Variants in CACNA1D observed in about 807,000 individuals in gnomAD.
CACNA1D encodes calcium voltage-gated channel subunit alpha1 D, also known as voltage-dependent L-type calcium channel subunit alpha-1D.
CACNA1D carries 55 observed loss-of-function variants against 257.1 expected under a neutral mutation model. The ratio of observed to expected loss-of-function variants is 0.21; its 90% CI spans 0.17 to 0.27. The LOEUF is 0.27. CACNA1D is among the 10% of genes least tolerant of loss of function. CACNA1D has a pLI of 1.00. For missense variants in CACNA1D, 1,876 were observed against 2,784.0 expected, an observed-to-expected ratio of 0.67 and a Z score of 7.34; for synonymous variants, 980 against 1,014.9, an observed-to-expected ratio of 0.97 and a Z score of 0.65.
At chr3:53,507,901 C>T (rs879922851) in intron 3 of CACNA1D, among the ~76,000 whole-genome samples, 9 of 152,014 alleles carry the variant, frequency 5.9e-5, no homozygotes, top group Non-Finnish European at 1.3e-4. Flanking sequence ...AAAAAAAGTG[C>T]GTATGTATGT....
At position 53,579,838 on chromosome 3, in the gene CACNA1D, G is replaced by T. The variant is rs370112357; in HGVS notation, c.484-70941G>T. On this transcript the variant is annotated intron_variant, in intron 3 of 47. Coordinates refer to ENST00000350061, the MANE Select transcript of CACNA1D (RefSeq NM_001128840.3). ...CACAGGCAAAGCACTTTTGCTGAAA[G>T]GACAGAAAGACTCAAGGTGAAGGCA... Among the ~76,000 whole-genome samples the T allele has an allele frequency of 2.0e-5, 3 of 152,320 alleles. No homozygotes were observed. The East Asian group carries it at 5.8e-4, about 29-fold the overall frequency.
chr3:53,703,473 T>C (rs1255726657), intron 9 of CACNA1D, among the ~76,000 whole-genome samples: 1 of 152,190 alleles, frequency 6.6e-6, no homozygotes, highest in Non-Finnish European at 1.5e-5. Flanking sequence ...ATTGCCATTG[T>C]CAACCACGGT....
chr3:53,620,703 T>C (rs763631256), intron 3 of CACNA1D, among the ~76,000 whole-genome samples: 2 of 152,218 alleles, frequency 1.3e-5, no homozygotes, highest in African/African-American at 2.4e-5. Flanking sequence ...GCATTTGCAA[T>C]CATAGATTTG....
rs2095119526 is a variant in CACNA1D, at chr3:53,741,660, G to A, written c.2811+1321G>A. 2.6e-5 allele frequency among the ~76,000 whole-genome samples: 4 copies of A among 152,172 alleles called. 1 individual carries two copies. Among genetic ancestry groups the A allele is most frequent in the Admixed American group, 2.6e-4 (4 of 15,278 alleles). ...ACCAGCTCTTGTTGATGAGGCCTCT[G>A]TGGGAGGGCCTGTGGATGCAGAATG... On this transcript the variant is annotated intron_variant, in intron 21 of 47. Coordinates refer to ENST00000350061, the MANE Select transcript of CACNA1D (RefSeq NM_001128840.3).
intron 3 of CACNA1D, among the ~76,000 whole-genome samples, chr3:53,545,748 C>T (rs913262794): frequency 6.6e-6 from 1 of 152,150 alleles, no homozygotes; most frequent in Non-Finnish European, 1.5e-5. Context: ...ACTTTCTTCT[C>T]CTTCTCAAAG....
At chr3:53,541,947 A>G (rs1333438750) in intron 3 of CACNA1D, among the ~76,000 whole-genome samples, 1 of 152,230 alleles carries the variant, frequency 6.6e-6, no homozygotes, top group East Asian at 1.9e-4. Flanking sequence ...CCAAATAGGG[A>G]ACTCTATAGA....
chr3:53,565,948 G>A (rs929633889), intron 3 of CACNA1D, among the ~76,000 whole-genome samples: 1 of 152,150 alleles, frequency 6.6e-6, no homozygotes, highest in African/African-American at 2.4e-5. Flanking sequence ...CACCTATTGA[G>A]GCACAAACTG....
chr3:53,720,834 G>C (rs2094875733), intron 11 of CACNA1D, among the ~76,000 whole-genome samples: 1 of 152,154 alleles, frequency 6.6e-6, no homozygotes. Flanking sequence ...AAAATAGTTT[G>C]GTAGTTCCTC....
intron 8 of CACNA1D, among the ~76,000 whole-genome samples, chr3:53,694,172 G>A (rs1202652090): frequency 6.6e-6 from 1 of 152,216 alleles, no homozygotes; most frequent in Non-Finnish European, 1.5e-5. Flanking sequence ...CCTGGGGCAT[G>A]TGAGTGTCTG....
chr3:53,597,651 G>A (rs897365186), intron 3 of CACNA1D, among the ~76,000 whole-genome samples: 3 of 152,178 alleles, frequency 2.0e-5, no homozygotes, highest in Admixed American at 1.3e-4. Flanking sequence ...GAGGGCTAGG[G>A]CTAGGCTGAT....
chr3:53,505,005 T>C (rs898488734), intron 3 of CACNA1D, among the ~76,000 whole-genome samples: 4 of 152,072 alleles, frequency 2.6e-5, no homozygotes, highest in Admixed American at 2.0e-4. Context: ...CTCTAAGCCA[T>C]CTCTGAACCA....
intron 8 of CACNA1D, among the ~76,000 whole-genome samples, chr3:53,700,613 T>G (rs1162702287): frequency 2.0e-5 from 3 of 152,206 alleles, no homozygotes; most frequent in Non-Finnish European, 4.4e-5. Flanking sequence ...GGCGAGACAC[T>G]GGAGTCCTTA....
intron 3 of CACNA1D, among the ~76,000 whole-genome samples, chr3:53,506,090 A>G (rs530265620): frequency 6.6e-6 from 1 of 152,152 alleles, no homozygotes; most frequent in Non-Finnish European, 1.5e-5. Context: ...GGCTTAGCCT[A>G]TATGGTGGAG....
At chr3:53,728,208 G>A (rs1018165704) in intron 15 of CACNA1D, among the ~76,000 whole-genome samples, 3 of 152,038 alleles carry the variant, frequency 2.0e-5, no homozygotes, top group South Asian at 2.1e-4. Flanking sequence ...GTGCAATCTC[G>A]GCTCACTGCA....
At chr3:53,609,544 A>C (rs1167180151) in intron 3 of CACNA1D, among the ~76,000 whole-genome samples, 2 of 152,154 alleles carry the variant, frequency 1.3e-5, no homozygotes, top group Non-Finnish European at 2.9e-5. Flanking sequence ...TAAGGCATCA[A>C]ATTTATTGGC....
intron 37 of CACNA1D, 127 bp from the exon 38 acceptor site, chr3:53,779,899 G>C (rs1292807610): frequency 1.3e-6 from 1 of 755,276 alleles, no homozygotes; most frequent in Non-Finnish European, 2.4e-6. Flanking sequence ...CCCCCAAATG[G>C]CTGTTGAATG....
intron 8 of CACNA1D, among the ~76,000 whole-genome samples, chr3:53,692,182 A>T (rs1344667853): frequency 1.3e-5 from 2 of 151,792 alleles, no homozygotes; most frequent in Non-Finnish European, 1.5e-5. Context: ...GTATACAAAG[A>T]TAAGACAGAC....
At chr3:53,733,434 CTTGA>C (rs144354121) in intron 19 of CACNA1D, among the ~76,000 whole-genome samples, 2,142 of 152,300 alleles carry the variant, frequency 0.014, 54 homozygotes, top group African/African-American at 0.049. Flanking sequence ...AGATCCCCCA[CTTGA>C]TTGATCAGTT....
chr3:53,731,305 G>A (rs930286202), intron 17 of CACNA1D, among the ~76,000 whole-genome samples, 159 bp downstream of exon 17: 2 of 152,180 alleles, frequency 1.3e-5, no homozygotes, highest in Non-Finnish European at 2.9e-5. Flanking sequence ...CTTCCCAGGG[G>A]GGATTCTGGT....
Sources: allele counts gnomAD v4.1 joint callset (sites outside exome capture counted in the v4.1 genomes callset), GRCh38; gene constraint gnomAD v4.1.1; transcripts MANE v1.5; gene names NCBI Gene and HGNC (gene_info 2026-07-23, HGNC 2026-07-21).